Variants in PARVG observed in about 807,000 individuals in gnomAD.
PARVG encodes parvin gamma.
In PARVG, 36 loss-of-function variants were observed where a neutral mutation model predicts 44.4. That is an observed-to-expected ratio of 0.81 (90% confidence interval 0.62 to 1.07). The LOEUF (loss-of-function observed/expected upper bound fraction) is 1.07. Ranked by LOEUF, PARVG falls within the 50% of genes least tolerant of loss-of-function variation. The probability of loss-of-function intolerance (pLI) is 0.00; values close to 1 mark genes in which losing one functional copy is unlikely to be tolerated. For synonymous variants in PARVG, 170 were observed against 174.1 expected, an observed-to-expected ratio of 0.98 and a Z score of 0.19; for missense variants, 407 against 407.4, an observed-to-expected ratio of 1.00 and a Z score of 0.01.
chr22:44,196,429 T>A lies in PARVG; in HGVS notation c.711+14T>A, dbSNP rs1215960785. ...CTGGACACCCAGGTAGGGACTGAGC[T>A]GCGGCGTCCCCAGGCAGGGCAGGGC... On this transcript the variant is annotated intron_variant, in intron 11 of 13. Coordinates refer to ENST00000444313, the MANE Select transcript of PARVG (RefSeq NM_022141.7). 2 of 1,614,022 alleles carry A rather than the reference T, an allele frequency of 1.2e-6. No homozygotes were observed. Among genetic ancestry groups the A allele is most frequent in the Non-Finnish European group, 1.7e-6 (2 of 1,179,978 alleles).
intron 4 of PARVG, chr22:44,186,244 G>C (rs988321438): frequency 1.6e-5 from 5 of 308,592 alleles, no homozygotes; most frequent in Non-Finnish European, 3.3e-5. Context: ...CGAGCTGCCA[G>C]CCCCTAAGCC....
At chr22:44,203,308 G>A (rs1055053348) in intron 12 of PARVG, among the ~76,000 whole-genome samples, 1 of 152,182 alleles carries the variant, frequency 6.6e-6, no homozygotes, top group Non-Finnish European at 1.5e-5. Context: ...GGTCCCAGGA[G>A]GTGTTCTGTG....
chr22:44,182,870 A>T lies in PARVG; in HGVS notation c.-12-448A>T, dbSNP rs375302418. On this transcript the variant is annotated intron_variant, in intron 2 of 13. Coordinates refer to ENST00000444313, the MANE Select transcript of PARVG (RefSeq NM_022141.7). This position sits in a 1 kb window ranked among gnomAD's most constrained non-coding sequence, Gnocchi z 4.6. ...ATGGGATGGGAGATGTCACCATTCC[A>T]CGTATCCACCTCAGCCAGCCCCACA... is the stretch of plus-strand genomic sequence containing the variant. Among the ~76,000 whole-genome samples, 35 of 152,200 alleles carry T rather than the reference A, an allele frequency of 2.3e-4. No homozygotes were observed. In the East Asian group the frequency reaches 3.5e-3, roughly 15 times the overall value.
At chr22:44,178,995 TATTA>T (rs967551918), upstream of PARVG, among the ~76,000 whole-genome samples, 2 of 152,364 alleles carry the variant, frequency 1.3e-5, no homozygotes, top group South Asian at 2.1e-4. Context: ...ATTTATTTTT[TATTA>T]ATTTTTAAAA....
chr22:44,191,955 G>A, intron 7 of PARVG, 94 bp from the exon 8 acceptor site: 3 of 1,388,156 alleles, frequency 2.2e-6, no homozygotes, highest in Non-Finnish European at 3.0e-6. Context: ...GCTGTCCTGA[G>A]GAGGGATGAT....
chr22:44,197,463 A>C (rs1332711395), intron 11 of PARVG, among the ~76,000 whole-genome samples: 1 of 152,166 alleles, frequency 6.6e-6, no homozygotes, highest in African/African-American at 2.4e-5. Context: ...TGGGATTTGA[A>C]CCCAGGCAGC....
chr22:44,200,205 A>T (rs139156), intron 12 of PARVG, among the ~76,000 whole-genome samples: 6 of 152,232 alleles, frequency 3.9e-5, no homozygotes, highest in Non-Finnish European at 5.9e-5. Context: ...CCTTCCTACC[A>T]GGTAGGCCTG....
chr22:44,182,090 A>G lies in PARVG; in HGVS notation c.-13+173A>G, dbSNP rs554478464. Among the ~76,000 whole-genome samples, 159 of 152,256 alleles carry G rather than the reference A, an allele frequency of 1.0e-3. 2 individuals are homozygous for G. The highest frequency in any genetic ancestry group is 3.5e-3 in the African/African-American group (146 of 41,548). ...ACGGCCCCTCCGGCTGCCCCTGCTC[A>G]GAGGCTGCTCGGCGTCCTCCCTCCC... On this transcript the variant is annotated intron_variant, in intron 2 of 13. Transcript: ENST00000444313. The surrounding 1 kb of genome is among the most constrained non-coding windows in gnomAD (Gnocchi z 4.6).
chr22:44,202,953 C>T (rs544661447), intron 12 of PARVG, among the ~76,000 whole-genome samples: 3 of 152,256 alleles, frequency 2.0e-5, no homozygotes, highest in East Asian at 1.9e-4. Context: ...CGTATCCTCC[C>T]GGGTTGTAAC....
upstream of PARVG, among the ~76,000 whole-genome samples, chr22:44,180,218 C>G (rs996309593): frequency 1.3e-5 from 2 of 152,206 alleles, no homozygotes; most frequent in African/African-American, 4.8e-5. Flanking sequence ...TTCAGTGATT[C>G]TGTTCCTGGG....
intron 8 of PARVG, among the ~76,000 whole-genome samples, chr22:44,193,544 G>A (rs1025691514): frequency 2.0e-5 from 3 of 152,264 alleles, no homozygotes; most frequent in South Asian, 4.2e-4. Flanking sequence ...AACAGAACAC[G>A]AACAACAAAA....
intron 12 of PARVG, 148 bp downstream of exon 12, chr22:44,198,870 C>T (rs1344856646): frequency 1.7e-6 from 1 of 599,536 alleles, no homozygotes; most frequent in Non-Finnish European, 3.0e-6. Flanking sequence ...ATCCATCCAT[C>T]CATCCATCCA....
At chr22:44,196,018 AT>A (rs2054612051) in intron 9 of PARVG, 136 bp from the exon 10 acceptor site, 1 of 898,704 alleles carries the variant, frequency 1.1e-6, no homozygotes, top group African/African-American at 1.7e-5. Context: ...GGTCTGTTTT[AT>A]TTGAGAACCA....
chr22:44,200,454 T>C (rs1051336940), intron 12 of PARVG, among the ~76,000 whole-genome samples: 3 of 152,176 alleles, frequency 2.0e-5, no homozygotes, highest in Non-Finnish European at 4.4e-5. Context: ...GGAGAAAGCA[T>C]TGAGGGACAT....
At chr22:44,191,976 CG>C (rs2054554500) in intron 7 of PARVG, 72 bp from the exon 8 acceptor site, 1 of 1,523,046 alleles carries the variant, frequency 6.6e-7, no homozygotes, top group African/African-American at 1.4e-5. Context: ...ACAGAGCAAA[CG>C]GATCACTGGG....
upstream of PARVG, chr22:44,172,953 C>A: frequency 7.8e-7 from 1 of 1,279,828 alleles, no homozygotes; most frequent in Non-Finnish European, 1.0e-6. Flanking sequence ...GCCTGTCCAC[C>A]GTCTTTGTTT....
Position 44,183,514 on chromosome 22 carries a change from G to A in PARVG, c.79+106G>A, listed in dbSNP as rs563652042. The stretch of plus-strand genomic sequence containing the variant: ...GCACCTTCCCAGCTGTCAGCTGAGC[G>A]CCCAATTCTGCTCACCCCTGCCTCC... On this transcript the variant is annotated intron_variant, in intron 3 of 13. Transcript: ENST00000444313. 5.9e-4 allele frequency: 622 copies of A among 1,060,168 alleles called. 1 individual carries two copies. Among genetic ancestry groups the A allele is most frequent in the South Asian group, 1.6e-3 (89 of 57,030 alleles). 65.7% of individuals were successfully genotyped at this position (1,060,168 alleles called of 1,614,324 possible).
chr22:44,198,581 G>T lies in PARVG; in HGVS notation c.712-40G>T, dbSNP rs776494544. Reference sequence around the variant, plus strand: ...TAAAAGACAGAGTGGGCTTCGCCAGGCTTCTTCCATGTGATTGTCTCCAGT... The same window carrying T: ...TAAAAGACAGAGTGGGCTTCGCCAGTCTTCTTCCATGTGATTGTCTCCAGT... On this transcript the variant is annotated intron_variant, in intron 11 of 13. Coordinates refer to ENST00000444313, the MANE Select transcript of PARVG (RefSeq NM_022141.7). 4.0e-6 allele frequency: 6 copies of T among 1,494,044 alleles called. No individual in the cohort carries two copies. In the East Asian group the frequency reaches 6.8e-5, roughly 17 times the overall value. 92.5% of individuals were successfully genotyped at this position (1,494,044 alleles called of 1,614,324 possible).
At chr22:44,197,674 G>A (rs368004179) in intron 11 of PARVG, among the ~76,000 whole-genome samples, 1 of 152,202 alleles carries the variant, frequency 6.6e-6, no homozygotes, top group Admixed American at 6.5e-5. Flanking sequence ...CCTTGGGTGA[G>A]TTACTGGACT....
Sources: gnomAD v4.1 joint callset for allele counts (sites outside exome capture counted in the v4.1 genomes callset) on GRCh38, gnomAD v4.1.1 for gene constraint, Gnocchi (gnomAD v3.1) non-coding constraint, MANE v1.5 for transcripts, NCBI Gene and HGNC (gene_info 2026-07-23, HGNC 2026-07-21) for gene names.